The following NCAM1 variants were observed in gnomAD, a reference collection of about 807,000 sequenced individuals.
The protein encoded by NCAM1 is neural cell adhesion molecule 1.
NCAM1 carries 14 observed loss-of-function variants against 109.8 expected under a neutral mutation model. That is an observed-to-expected ratio of 0.13 (90% CI 0.08 to 0.20). NCAM1 has a LOEUF of 0.20. Among genes scored for constraint, NCAM1 ranks in the 10% least tolerant of loss-of-function variants. NCAM1 has a pLI of 1.00. For synonymous variants in NCAM1, 418 were observed against 442.9 expected (o/e 0.94, Z 0.70); for missense variants, 774 against 1,109.9 (o/e 0.70, Z 4.30).
intron 2 of NCAM1, among the ~76,000 whole-genome samples, chr11:113,203,901 C>T (rs960453372): frequency 3.9e-5 from 6 of 152,176 alleles, no homozygotes; most frequent in East Asian, 3.9e-4. Flanking sequence ...TAGGCTCTGG[C>T]GCCCGAATCC....
In NCAM1 at chr11:113,200,167, G is replaced by C. The variant is rs1470561810; in HGVS notation, c.53-2212G>C. Among the ~76,000 whole-genome samples the C allele has an allele frequency of 2.6e-5, 4 of 152,172 alleles. No individual in the cohort carries two copies. In the East Asian group the frequency reaches 7.7e-4, roughly 29 times the overall value. ...ATATGGTCCAGCAAACTTTCTTGGG[G>C]GGACTCAGCTTCTCATTCTTTAAGG... On this transcript the variant is annotated intron_variant, in intron 1 of 19. Transcript: ENST00000316851.
rs1946425275 is a variant in NCAM1 at position 113,277,687 on chromosome 11, G to A, written c.*2300G>A. ...GGTCAAACTGGTTTTGGTTCTGATG[G>A]TTAGGAAGAAACAGGTCAGCCCTCA... On this transcript the variant is annotated 3_prime_UTR_variant, in exon 20 of 20. Transcript: ENST00000316851. 2.9e-6 allele frequency: 1 copy of A among 348,584 alleles called. No individual in the cohort carries two copies. 21.6% of individuals were successfully genotyped at this position (348,584 alleles called of 1,614,324 possible).
intron 1 of NCAM1, 124 bp downstream of exon 1, chr11:112,961,788 T>G: frequency 1.4e-6 from 1 of 694,152 alleles, no homozygotes. Flanking sequence ...CATTTTCGTT[T>G]AGCTGTGAAA....
chr11:113,197,852 A>G (rs1943902633), intron 1 of NCAM1, among the ~76,000 whole-genome samples: 1 of 152,110 alleles, frequency 6.6e-6, no homozygotes, highest in Admixed American at 6.5e-5. Flanking sequence ...TGCTTTGCCC[A>G]CCTCTTCTGA....
intron 1 of NCAM1, among the ~76,000 whole-genome samples, chr11:113,068,599 A>G (rs1555084663): frequency 6.6e-6 from 1 of 152,166 alleles, no homozygotes; most frequent in Non-Finnish European, 1.5e-5. Flanking sequence ...GCCAATATAA[A>G]TTCCTGTGAT....
At chr11:113,134,628 C>G (rs1335010304) in intron 1 of NCAM1, among the ~76,000 whole-genome samples, 5 of 152,176 alleles carry the variant, frequency 3.3e-5, no homozygotes, top group African/African-American at 4.8e-5. Context: ...TATTCCCTGT[C>G]CTATAACCCA....
chr11:113,077,737 A>G (rs1256544980), intron 1 of NCAM1, among the ~76,000 whole-genome samples: 5 of 148,776 alleles, frequency 3.4e-5, no homozygotes, highest in Non-Finnish European at 5.9e-5. Context: ...CCTAGGCTGG[A>G]GTGCAGTGGC....
At chr11:113,216,641 G>T (rs1944541259) in intron 8 of NCAM1, among the ~76,000 whole-genome samples, 2 of 152,274 alleles carry the variant, frequency 1.3e-5, no homozygotes, top group South Asian at 4.1e-4. Flanking sequence ...TACATTGGTT[G>T]TATTGTATTT....
intron 1 of NCAM1, among the ~76,000 whole-genome samples, chr11:113,198,739 T>C (rs1448527548): frequency 6.6e-6 from 1 of 152,104 alleles, no homozygotes; most frequent in Non-Finnish European, 1.5e-5. Context: ...TATTTGGAGA[T>C]GGACAGAAGG....
chr11:113,006,218 T>C (rs9919553), intron 1 of NCAM1, among the ~76,000 whole-genome samples: 20,568 of 152,210 alleles, frequency 0.14, 1,431 homozygotes, highest in African/African-American at 0.15. Context: ...GTGATCCTTA[T>C]TGGCATCTGC....
At chr11:113,230,083 TA>T (rs569839034) in intron 9 of NCAM1, among the ~76,000 whole-genome samples, 1,452 of 144,572 alleles carry the variant, frequency 0.01, 28 homozygotes, top group African/African-American at 0.033. Context: ...AAAGTATAAT[TA>T]AAAAAAAAAA....
intron 1 of NCAM1, among the ~76,000 whole-genome samples, chr11:113,007,003 T>TG (rs1276882579): frequency 6.6e-6 from 1 of 152,230 alleles, no homozygotes; most frequent in Non-Finnish European, 1.5e-5. Flanking sequence ...CTGCTAATCT[T>TG]GGTGAGCATG....
chr11:113,018,111 A>G (rs1177020094), intron 1 of NCAM1, among the ~76,000 whole-genome samples: 1 of 152,120 alleles, frequency 6.6e-6, no homozygotes. Flanking sequence ...CTGTTGGCCT[A>G]TGACTTAGCC....
intron 1 of NCAM1, among the ~76,000 whole-genome samples, chr11:113,179,505 G>A (rs1943266195): frequency 6.6e-6 from 1 of 152,236 alleles, no homozygotes; most frequent in African/African-American, 2.4e-5. Context: ...ATGCTGACAA[G>A]CTGGCTGCTT....
At chr11:113,256,385 C>T (rs1269636049) in intron 16 of NCAM1, among the ~76,000 whole-genome samples, 1 of 152,244 alleles carries the variant, frequency 6.6e-6, no homozygotes, top group Non-Finnish European at 1.5e-5. Context: ...ACCTGCACCT[C>T]ACTGTGATCA....
intron 8 of NCAM1, among the ~76,000 whole-genome samples, chr11:113,215,642 C>T (rs1420426545): frequency 6.6e-6 from 1 of 152,178 alleles, no homozygotes; most frequent in African/African-American, 2.4e-5. Context: ...ATTGCTCTTC[C>T]AAATAACCTA....
intron 1 of NCAM1, among the ~76,000 whole-genome samples, chr11:113,041,840 C>G (rs1450950205): frequency 6.6e-6 from 1 of 152,138 alleles, no homozygotes; most frequent in African/African-American, 2.4e-5. Context: ...CCCAGAAACA[C>G]TTTACCCCTT....
intron 1 of NCAM1, chr11:113,041,286 T>C (rs1175306123): frequency 6.6e-6 from 1 of 152,278 alleles, no homozygotes; most frequent in Non-Finnish European, 1.5e-5. Context: ...AATGTGGTTA[T>C]GTTTAAACAT....
At chr11:113,071,421 A>AT (rs66821824) in intron 1 of NCAM1, among the ~76,000 whole-genome samples, 1,846 of 127,630 alleles carry the variant, frequency 0.014, 34 homozygotes, top group South Asian at 0.049. Flanking sequence ...TGTTGGTTGG[A>AT]TTTTTTTTTT....
Sources: gnomAD v4.1 joint callset for allele counts (sites outside exome capture counted in the v4.1 genomes callset) on GRCh38, gnomAD v4.1.1 for gene constraint, MANE v1.5 for transcripts, NCBI Gene and HGNC (gene_info 2026-07-23, HGNC 2026-07-21) for gene names.